Variants in MEIS2 observed in about 807,000 individuals in gnomAD.
The protein encoded by MEIS2 is homeobox protein Meis2.
Under a neutral mutation model 58.6 loss-of-function variants are expected in MEIS2, and 9 were observed. That is an observed-to-expected ratio of 0.15 (90% CI 0.09 to 0.27). The LOEUF is 0.27. Ranked by LOEUF, MEIS2 falls within the 10% of genes least tolerant of loss-of-function variation. The pLI, the probability that MEIS2 is intolerant of heterozygous loss-of-function variation, is 1.00. For missense variants in MEIS2, 427 were observed against 635.0 expected (o/e 0.67, Z 3.52); for synonymous variants, 221 against 228.4 (o/e 0.97, Z 0.29).
chr15:36,988,467 C>G (rs529740713), intron 8 of MEIS2, among the ~76,000 whole-genome samples: 2 of 145,974 alleles, frequency 1.4e-5, no homozygotes, highest in South Asian at 4.5e-4. Flanking sequence ...CTTCAGACAG[C>G]AAAAATATTG....
intron 8 of MEIS2, among the ~76,000 whole-genome samples, chr15:36,954,182 G>T (rs1480971903): frequency 6.6e-6 from 1 of 151,824 alleles, no homozygotes; most frequent in Non-Finnish European, 1.5e-5. Flanking sequence ...AAAATGTGAG[G>T]TTCTCATGAA....
chr15:36,931,765 CTTTCTCT>C (rs1263948186), intron 9 of MEIS2, among the ~76,000 whole-genome samples: 6 of 152,186 alleles, frequency 3.9e-5, no homozygotes, highest in African/African-American at 1.4e-4. Context: ...AAGTATAGAG[CTTTCTCT>C]AAGTGCCTCT....
At position 36,892,193 on chromosome 15, in the gene MEIS2, T is replaced by A; in HGVS notation, c.1414A>T (p.Met472Leu). The A allele has an allele frequency of 6.2e-7, 1 of 1,614,218 alleles. No individual in the cohort carries two copies. Among genetic ancestry groups the A allele is most frequent in the Non-Finnish European group, 8.5e-7 (1 of 1,180,038 alleles). ...TTATACTATTGGGCATGAATGTCCATAACCTGTCCGCCAACATTGGGATCT... is the reference window on the plus strand; with the variant it reads ...TTATACTATTGGGCATGAATGTCCAAAACCTGTCCGCCAACATTGGGATCT... ...SVDPNVGGQV[M>L]DIHAQ The change falls in exon 12 of 12, where the codon ATG becomes TTG. Residue 472 changes from methionine (M) to leucine (L), a missense_variant. Met to Leu is a conservative substitution (Grantham distance 15, BLOSUM62 2). Transcript: ENST00000561208.
At chr15:36,987,407 CAAAAAAAA>C (rs71126250) in intron 8 of MEIS2, among the ~76,000 whole-genome samples, 4 of 115,824 alleles carry the variant, frequency 3.5e-5, no homozygotes, top group Non-Finnish European at 5.3e-5. Flanking sequence ...GACCCTGTCT[CAAAAAAAA>C]AAAAAAAAAA....
chr15:36,900,507 A>G (rs1322274685), intron 9 of MEIS2, among the ~76,000 whole-genome samples: 5 of 152,216 alleles, frequency 3.3e-5, no homozygotes, highest in Non-Finnish European at 7.3e-5. Flanking sequence ...ATTATATACT[A>G]AGACTGTTAG....
chr15:37,035,443 GA>G (rs1595977650), intron 8 of MEIS2, among the ~76,000 whole-genome samples: 1 of 152,142 alleles, frequency 6.6e-6, no homozygotes, highest in East Asian at 1.9e-4. Flanking sequence ...ATATGTAATG[GA>G]TTTACAGCCC....
intron 7 of MEIS2, among the ~76,000 whole-genome samples, chr15:37,068,114 C>T (rs963305458): frequency 2.0e-5 from 3 of 152,106 alleles, no homozygotes; most frequent in Non-Finnish European, 2.9e-5. Flanking sequence ...ATTTAGGCTT[C>T]GAAGAATTAA....
chr15:37,000,278 T>C (rs2060673483), intron 8 of MEIS2, among the ~76,000 whole-genome samples: 1 of 152,130 alleles, frequency 6.6e-6, no homozygotes, highest in Non-Finnish European at 1.5e-5. Flanking sequence ...TAGGAGCCAC[T>C]CTACTTCCTT....
intron 9 of MEIS2, among the ~76,000 whole-genome samples, chr15:36,937,696 C>A (rs1251049114): frequency 6.6e-6 from 1 of 152,090 alleles, no homozygotes; most frequent in Admixed American, 6.5e-5. Flanking sequence ...CAACAACATA[C>A]TATTAGGAAG....
chr15:37,017,226 G>A (rs1177345295), intron 8 of MEIS2, among the ~76,000 whole-genome samples: 1 of 152,164 alleles, frequency 6.6e-6, no homozygotes, highest in Non-Finnish European at 1.5e-5. Context: ...GAGGAAGAAT[G>A]AAAATGCAGT....
At chr15:36,893,162 A>G (rs2055973440) in intron 11 of MEIS2, among the ~76,000 whole-genome samples, 1 of 152,246 alleles carries the variant, frequency 6.6e-6, no homozygotes, top group East Asian at 1.9e-4. Context: ...TGAGATATGC[A>G]ACATTCAAAG....
At chr15:37,001,851 T>TTAAAC (rs2141599386) in intron 8 of MEIS2, among the ~76,000 whole-genome samples, 1 of 152,348 alleles carries the variant, frequency 6.6e-6, no homozygotes, top group African/African-American at 2.4e-5. Context: ...AAATATGTAC[T>TTAAAC]TAAACCTATG....
chr15:37,088,725 G>T (rs1893181712), intron 6 of MEIS2, among the ~76,000 whole-genome samples: 1 of 152,144 alleles, frequency 6.6e-6, no homozygotes, highest in Admixed American at 6.6e-5. Flanking sequence ...AACTCTCACA[G>T]AAGTGGCAAG....
Position 36,950,239 on chromosome 15 carries a change from GAAAAA to G in MEIS2, c.977+80_977+84del, listed in dbSNP as rs11293336. The G allele has an allele frequency of 4.9e-6, 5 of 1,011,244 alleles. No homozygotes were observed. The South Asian group carries it at 5.3e-5, about 11-fold the overall frequency. The allele number at this position is 1,011,244 out of a possible 1,614,324, so 62.6% of individuals were successfully genotyped here. ...ATCCTCCTCGATTTCATTTGTTTTA[GAAAAA>G]AAAAAAAAAGAGAGAAAACCATTAT... On this transcript the variant is annotated intron_variant, in intron 9 of 11. Transcript: ENST00000561208.
intron 9 of MEIS2, among the ~76,000 whole-genome samples, chr15:36,902,246 C>T (rs2141241308): frequency 6.6e-6 from 1 of 152,350 alleles, no homozygotes; most frequent in South Asian, 2.1e-4. Flanking sequence ...AGGTGGGTGG[C>T]TGTTAAACAA....
At position 37,071,321 on chromosome 15, in the gene MEIS2, T is replaced by C. The variant is rs16964652; in HGVS notation, c.754+12450A>G. ...CCAGGGGAACCTCGTGTGTCCGAAA[T>C]GTGTAATCAGACTTCAGAGGAAAAG... On this transcript the variant is annotated intron_variant, in intron 7 of 11. Coordinates refer to ENST00000561208, the MANE Select transcript of MEIS2 (RefSeq NM_170675.5). Among the ~76,000 whole-genome samples the C allele has an allele frequency of 3.3e-3, 496 of 152,152 alleles. 4 individuals are homozygous for C. The highest frequency in any genetic ancestry group is 0.011 in the African/African-American group (468 of 41,530).
intron 9 of MEIS2, among the ~76,000 whole-genome samples, chr15:36,914,571 G>T (rs2057186101): frequency 2.6e-5 from 4 of 152,140 alleles, no homozygotes; most frequent in Admixed American, 2.6e-4. Context: ...AGTAGAGGAT[G>T]GGGGAAAGTG....
At chr15:36,923,220 G>A (rs537474915) in intron 9 of MEIS2, among the ~76,000 whole-genome samples, 1 of 152,254 alleles carries the variant, frequency 6.6e-6, no homozygotes, top group Admixed American at 6.5e-5. Context: ...ATGAACCAAG[G>A]AGGAAGCAAT....
intron 8 of MEIS2, among the ~76,000 whole-genome samples, chr15:37,029,047 A>G (rs1337858680): frequency 6.6e-6 from 1 of 152,224 alleles, no homozygotes; most frequent in Non-Finnish European, 1.5e-5. Context: ...GCATTGTGAC[A>G]TCATTTCCTG....
Sources: allele counts gnomAD v4.1 joint callset (sites outside exome capture counted in the v4.1 genomes callset), GRCh38; gene constraint gnomAD v4.1.1; transcripts MANE v1.5; gene names NCBI Gene and HGNC (gene_info 2026-07-23, HGNC 2026-07-21).